FLT3LG: variants seen among roughly 807,000 people sequenced by gnomAD.
FLT3LG encodes the protein fms related receptor tyrosine kinase 3 ligand.
Under a neutral mutation model 30.9 loss-of-function variants are expected in FLT3LG, and 8 were observed. The ratio of observed to expected loss-of-function variants is 0.26; its 90% confidence interval spans 0.15 to 0.47. FLT3LG has a LOEUF of 0.47. Among genes scored for constraint, FLT3LG ranks in the 20% least tolerant of loss-of-function variants. The probability of loss-of-function intolerance (pLI) is 0.99; values close to 1 mark genes in which losing one functional copy is unlikely to be tolerated. For synonymous variants in FLT3LG, 123 were observed against 135.9 expected, an observed-to-expected ratio of 0.91 and a Z score of 0.66; for missense variants, 278 against 306.2, an observed-to-expected ratio of 0.91 and a Z score of 0.69.
At chr19:49,474,956 T>C in intron 2 of FLT3LG, among the ~76,000 whole-genome samples, 1 of 77,322 alleles carries the variant, frequency 1.3e-5, no homozygotes, top group Admixed American at 1.7e-4. Context: ...GAGGGGGAGA[T>C]GGACAGAGGA....
chr19:49,478,760 A>C (rs544986553), intron 5 of FLT3LG, 149 bp from the exon 6 acceptor site: 28 of 723,884 alleles, frequency 3.9e-5, no homozygotes, highest in Non-Finnish European at 5.2e-5. Flanking sequence ...CTATCTCAAA[A>C]AAAAATTAAT....
intron 8 of FLT3LG, chr19:49,480,933 G>A (rs1236006603): frequency 2.0e-5 from 5 of 248,696 alleles, no homozygotes. Flanking sequence ...TCAGGAGGCT[G>A]AGGAAGGAGA....
At chr19:49,480,921 A>G (rs1209703769) in intron 8 of FLT3LG, 3 of 284,212 alleles carry the variant, frequency 1.1e-5, no homozygotes, top group African/African-American at 6.6e-5. Context: ...AATCCCAGCT[A>G]CTCAGGAGGC....
chr19:49,484,948 G>A (rs956779895), intron 8 of FLT3LG, among the ~76,000 whole-genome samples: 1 of 152,108 alleles, frequency 6.6e-6, no homozygotes, highest in South Asian at 2.1e-4. Flanking sequence ...AGCTGGGCAT[G>A]GTGGCGTGCA....
chr19:49,475,679 G>T lies in FLT3LG; in HGVS notation c.34-12G>T, dbSNP rs7251338. On this transcript the variant is annotated splice_polypyrimidine_tract_variant and intron_variant, in intron 2 of 8. Transcript: ENST00000597551. ...ACAGCAGAGGGCTCCCCCAGCACCC[G>T]CTCCCCTGCAGACCTATCTCCTCCT... 2.5e-6 allele frequency: 4 copies of T among 1,601,176 alleles called. No individual in the cohort carries two copies. The highest frequency in any genetic ancestry group is 1.7e-6 in the Non-Finnish European group (2 of 1,179,548).
At position 49,480,343 on chromosome 19, in the gene FLT3LG, C is replaced by T. The variant is rs1014017323; in HGVS notation, c.527C>T (p.Ala176Val). Reference sequence around the variant, plus strand: ...CCATGGAGTCCCCGGCCCCTGGAGGCCACAGCCCCGACAGCCCCGCAGCCC... The same window carrying T: ...CCATGGAGTCCCCGGCCCCTGGAGGTCACAGCCCCGACAGCCCCGCAGCCC... ...PPPWSPRPLEATAPTAPQPPL... is the reference protein window; with the variant it reads ...PPPWSPRPLEVTAPTAPQPPL... The change falls in exon 7 of 9, where the codon GCC (alanine) becomes GTC (valine). Residue 176 changes from alanine (A) to valine (V), a missense_variant. Coordinates refer to ENST00000597551, the MANE Select transcript of FLT3LG (RefSeq NM_001459.4). 9 of 1,610,178 alleles carry T rather than the reference C, an allele frequency of 5.6e-6. No individual in the cohort carries two copies. Among genetic ancestry groups the T allele is most frequent in the Non-Finnish European group, 6.8e-6 (8 of 1,178,364 alleles).
intron 5 of FLT3LG, 120 bp from the exon 6 acceptor site, chr19:49,478,789 C>T: frequency 1.1e-6 from 1 of 882,726 alleles, no homozygotes; most frequent in African/African-American, 1.7e-5. Flanking sequence ...TAAATAAACT[C>T]TGAGAGCCAG....
At chr19:49,478,768 AAT>A (rs1295336677) in intron 5 of FLT3LG, 139 bp from the exon 6 acceptor site, 2 of 702,580 alleles carry the variant, frequency 2.8e-6, no homozygotes, top group Admixed American at 4.7e-5. Context: ...AAAAAAAATT[AAT>A]TAATTAAATA....
At chr19:49,481,648 C>G (rs572527051) in intron 8 of FLT3LG, 1 of 152,374 alleles carries the variant, frequency 6.6e-6, no homozygotes, top group South Asian at 2.1e-4. Context: ...ATTGCTCGCA[C>G]ATATAGTGCC....
At position 49,479,524 on chromosome 19, in the gene FLT3LG, T is replaced by C. The variant is rs375274229; in HGVS notation, c.481+477T>C. 5.5e-3 allele frequency among the ~76,000 whole-genome samples: 514 copies of C among 93,146 alleles called. 5 individuals are homozygous for C. The highest frequency in any genetic ancestry group is 0.023 in the African/African-American group (484 of 21,296). The allele number at this position is 93,146 out of a possible 152,430, so 61.1% of individuals were successfully genotyped here. On this transcript the variant is annotated intron_variant, in intron 6 of 8. Transcript: ENST00000597551. ...TTTTTTTTTTTTTTTTTTTTTGAGA[T>C]GGAGTCTTGCTCTGTCCCCCAGGCT...
At chr19:49,483,064 T>G (rs1242204641) in intron 8 of FLT3LG, among the ~76,000 whole-genome samples, 2 of 152,230 alleles carry the variant, frequency 1.3e-5, no homozygotes, top group Non-Finnish European at 2.9e-5. Flanking sequence ...TTCATCATTT[T>G]GGGATATTTT....
chr19:49,480,592 A>G lies in FLT3LG; in HGVS notation c.701A>G (p.Glu234Gly). The G allele has an allele frequency of 6.2e-7, 1 of 1,612,976 alleles. No individual in the cohort carries two copies. The highest frequency in any genetic ancestry group is 8.5e-7 in the Non-Finnish European group (1 of 1,179,622). Reference protein sequence around the residue: ...VPSPQDLLLVEH With the variant: ...VPSPQDLLLVGH ...AGTCCCCAGGACCTGCTGCTTGTGG[A>G]GCACTGACCTGGCCAAGGCCTCATC... Residue 234 changes from glutamate to glycine, a missense_variant, in exon 8 of 9, where the codon GAG (glutamate) becomes GGG (glycine). By Grantham distance (98) the Glu-to-Gly change is moderately conservative (BLOSUM62 -2). Coordinates refer to ENST00000597551, the MANE Select transcript of FLT3LG (RefSeq NM_001459.4).
In FLT3LG at chr19:49,476,553, A is replaced by G; in HGVS notation, c.329A>G (p.Lys110Arg). Residue 110 changes from lysine to arginine, a missense_variant, in exon 5 of 9, where the codon AAA becomes AGA. Coordinates refer to ENST00000597551, the MANE Select transcript of FLT3LG (RefSeq NM_001459.4). The surrounding 1 kb of genome is among the most constrained non-coding windows in gnomAD (Gnocchi z 5.3). ...AACACGGAGATACACTTTGTCACCA[A>G]ATGTGCCTTTCAGGTCAGCCCTCAA... Reference protein sequence around the residue: ...RVNTEIHFVTKCAFQPPPSCL... With the variant: ...RVNTEIHFVTRCAFQPPPSCL... 6.2e-7 allele frequency: 1 copy of G among 1,614,134 alleles called. No homozygotes were observed. The highest frequency in any genetic ancestry group is 8.5e-7 in the Non-Finnish European group (1 of 1,180,008).
At chr19:49,485,637 C>G (rs1264021074) in intron 8 of FLT3LG, among the ~76,000 whole-genome samples, 3 of 152,134 alleles carry the variant, frequency 2.0e-5, no homozygotes, top group Non-Finnish European at 4.4e-5. Flanking sequence ...CCGCCTCGAC[C>G]TCCTAAAGTG....
chr19:49,475,479 G>A (rs542961155), intron 2 of FLT3LG, among the ~76,000 whole-genome samples: 277 of 151,910 alleles, frequency 1.8e-3, no homozygotes, highest in Non-Finnish European at 3.4e-3. Flanking sequence ...GGGGCAGAGG[G>A]GGATGCAAAC....
At position 49,478,996 on chromosome 19, in the gene FLT3LG, T is replaced by C. The variant is rs772522910; in HGVS notation, c.430T>C (p.Trp144Arg). 17 of 1,606,296 alleles carry C rather than the reference T, an allele frequency of 1.1e-5. No homozygotes were observed. The highest frequency in any genetic ancestry group is 1.4e-5 in the Non-Finnish European group (17 of 1,176,552). ...CGAGCAGCTGGTGGCGCTGAAGCCCTGGATCACTCGCCAGAACTTCTCCCG... is the reference window on the plus strand; with the variant it reads ...CGAGCAGCTGGTGGCGCTGAAGCCCCGGATCACTCGCCAGAACTTCTCCCG... ...TSEQLVALKP[W>R]ITRQNFSRCL... The change falls in exon 6 of 9, where the codon TGG (tryptophan) becomes CGG (arginine). Residue 144 changes from tryptophan (W) to arginine (R), a missense_variant. Trp to Arg is a moderately radical substitution (Grantham distance 101). Around this residue, in one of 3 missense-constraint regions of FLT3LG, gnomAD observed 170 missense variants for 162.0 expected, o/e 1.05. Coordinates refer to ENST00000597551, the MANE Select transcript of FLT3LG (RefSeq NM_001459.4).
chr19:49,483,735 C>A (rs751946713), intron 8 of FLT3LG, among the ~76,000 whole-genome samples: 16 of 151,542 alleles, frequency 1.1e-4, no homozygotes, highest in South Asian at 4.2e-4. Context: ...AACAAAAAAA[C>A]CACACAGAAG....
intron 8 of FLT3LG, among the ~76,000 whole-genome samples, chr19:49,483,252 A>G (rs2079677053): frequency 6.6e-6 from 1 of 151,748 alleles, no homozygotes; most frequent in South Asian, 2.1e-4. Flanking sequence ...CAGCCTCCCG[A>G]GTACCTGGGA....
intron 2 of FLT3LG, 70 bp from the exon 3 acceptor site, chr19:49,475,621 G>T: frequency 3.9e-6 from 6 of 1,550,848 alleles, no homozygotes; most frequent in Non-Finnish European, 5.2e-6. Flanking sequence ...AACAGTACAG[G>T]TGGGAAGCCC....
Sources: gnomAD v4.1 joint callset for allele counts (sites outside exome capture counted in the v4.1 genomes callset) on GRCh38, gnomAD v4.1.1 for gene constraint, gnomAD v4.1.1 regional missense constraint, Gnocchi (gnomAD v3.1) non-coding constraint, MANE v1.5 for transcripts, NCBI Gene and HGNC (gene_info 2026-07-23, HGNC 2026-07-21) for gene names.